The following KIAA0513 variants were observed in gnomAD, a reference collection of about 807,000 sequenced individuals.
KIAA0513 encodes KIAA0513.
In KIAA0513, 39 loss-of-function variants were observed where a neutral mutation model predicts 56.5. The observed-to-expected ratio is 0.69, with a 90% CI of 0.53 to 0.90. The LOEUF (loss-of-function observed/expected upper bound fraction) is 0.90, where lower values mean the gene tolerates loss of function less well. Among genes scored for constraint, KIAA0513 ranks in the 40% least tolerant of loss-of-function variants. The probability of loss-of-function intolerance (pLI) is 0.00; values close to 1 mark genes in which losing one functional copy is unlikely to be tolerated. For synonymous variants in KIAA0513, 268 were observed against 215.6 expected, an observed-to-expected ratio of 1.24 and a Z score of -2.13; for missense variants, 591 against 535.2, an observed-to-expected ratio of 1.10 and a Z score of -1.03.
chr16:85,069,452 A>T (rs1274100114), intron 2 of KIAA0513, among the ~76,000 whole-genome samples: 1 of 152,086 alleles, frequency 6.6e-6, no homozygotes, highest in Admixed American at 6.6e-5. Context: ...TGAGGGTAAA[A>T]TAAGGAGTAT....
At chr16:85,043,707 C>T (rs553754578) in intron 1 of KIAA0513, among the ~76,000 whole-genome samples, 1 of 152,130 alleles carries the variant, frequency 6.6e-6, no homozygotes, top group African/African-American at 2.4e-5. Context: ...GCTACCATGC[C>T]TGGCCAGGAA....
chr16:85,043,762 G>T lies in KIAA0513; in HGVS notation c.-173+15904G>T, dbSNP rs1198659475. Among the ~76,000 whole-genome samples, 3 of 152,088 alleles carry T rather than the reference G, an allele frequency of 2.0e-5. No individual in the cohort carries two copies. The East Asian group carries it at 5.8e-4, about 29-fold the overall frequency. On this transcript the variant is annotated intron_variant, in intron 1 of 12. Transcript: ENST00000683363. The stretch of plus-strand genomic sequence containing the variant: ...AATGCCTTACTTGAGTCCGGACGCG[G>T]TGGCCCACGCCTGTAATCCCAGCAC...
chr16:85,088,398 C>T lies in KIAA0513; in HGVS notation c.*73C>T. 7 of 1,351,134 alleles carry T rather than the reference C, an allele frequency of 5.2e-6. No homozygotes were observed. In the South Asian group the frequency reaches 8.2e-5, roughly 16 times the overall value. 83.7% of individuals were successfully genotyped at this position (1,351,134 alleles called of 1,614,324 possible). On this transcript the variant is annotated 3_prime_UTR_variant, in exon 13 of 13. Coordinates refer to ENST00000683363, the MANE Select transcript of KIAA0513 (RefSeq NM_001388359.1). ...TCCCGGGCCCAGCGCCCGGCCGTCA[C>T]CCCACCCGATGACCTGCATGAAGCC... is the stretch of plus-strand genomic sequence containing the variant.
intron 1 of KIAA0513, among the ~76,000 whole-genome samples, chr16:85,059,178 G>T (rs1417088788): frequency 6.6e-6 from 1 of 152,216 alleles, no homozygotes; most frequent in Non-Finnish European, 1.5e-5. Flanking sequence ...CTCAGATAGG[G>T]TGTCATCAAA....
chr16:85,093,099 C>T lies in KIAA0513; in HGVS notation c.*4774C>T, dbSNP rs2073886822. ...AAGGATGGGTGCCGCCGTGGGAGCC[C>T]TGCCTCTGGTGCTGGCAAGGGATTG... On this transcript the variant is annotated 3_prime_UTR_variant, in exon 13 of 13. Coordinates refer to ENST00000683363, the MANE Select transcript of KIAA0513 (RefSeq NM_001388359.1). 1 of 152,448 alleles carries T rather than the reference C, an allele frequency of 6.6e-6. No homozygotes were observed. The highest frequency in any genetic ancestry group is 1.9e-4 in the East Asian group (1 of 5,200). The allele number at this position is 152,448 out of a possible 1,614,324, so 9.4% of individuals were successfully genotyped here.
Position 85,077,591 on chromosome 16 carries a change from GC to G in KIAA0513, c.742del (p.Leu248TrpfsTer5). On this transcript the variant is annotated frameshift_variant, in exon 6 of 13. Transcript: ENST00000683363. The part of the protein sequence containing the change: ...TENVKGFFGG[L>X]ETKLKGPLAR... ...AGAATGTCAAGGGCTTCTTCGGGGGGCTGGAGACCAAGCTGAAGGGGCCCCT... is the reference window on the plus strand; with the variant it reads ...AGAATGTCAAGGGCTTCTTCGGGGGGTGGAGACCAAGCTGAAGGGGCCCCT... 1 of 1,613,886 alleles carries G rather than the reference GC, an allele frequency of 6.2e-7. No homozygotes were observed. Among genetic ancestry groups the G allele is most frequent in the Non-Finnish European group, 8.5e-7 (1 of 1,179,886 alleles).
At chr16:85,080,510 TCTG>T (rs2073727966) in intron 8 of KIAA0513, among the ~76,000 whole-genome samples, 2 of 152,322 alleles carry the variant, frequency 1.3e-5, no homozygotes, top group East Asian at 3.9e-4. Flanking sequence ...GAAGAATTTT[TCTG>T]CTGGGCACAG....
At position 85,076,768 on chromosome 16, in the gene KIAA0513, G is replaced by C. The variant is rs1439984083; in HGVS notation, c.575-657G>C. ...ACGTCGGCTGCTTTGGGTGGGGTAG[G>C]AACCCCCCAGTACAACCTGTGGCTC... On this transcript the variant is annotated intron_variant, in intron 5 of 12. Coordinates refer to ENST00000683363, the MANE Select transcript of KIAA0513 (RefSeq NM_001388359.1). This position sits in a 1 kb window ranked among gnomAD's most constrained non-coding sequence, Gnocchi z 4.7. 6.6e-6 allele frequency among the ~76,000 whole-genome samples: 1 copy of C among 152,148 alleles called. No individual in the cohort carries two copies. The highest frequency in any genetic ancestry group is 1.9e-4 in the East Asian group (1 of 5,188).
In KIAA0513 at chr16:85,076,592, C is replaced by G. The variant is rs1257837643; in HGVS notation, c.574+678C>G. Among the ~76,000 whole-genome samples, 1 of 152,110 alleles carries G rather than the reference C, an allele frequency of 6.6e-6. No homozygotes were observed. Among genetic ancestry groups the G allele is most frequent in the Non-Finnish European group, 1.5e-5 (1 of 68,000 alleles). On this transcript the variant is annotated intron_variant, in intron 5 of 12. Coordinates refer to ENST00000683363, the MANE Select transcript of KIAA0513 (RefSeq NM_001388359.1). This position sits in a 1 kb window ranked among gnomAD's most constrained non-coding sequence, Gnocchi z 4.7. ...CTAGGCCCTGGTCCCCCGTGCTTTC[C>G]TCTCTCGGGACCCGCGTGCTCACTC...
intron 1 of KIAA0513, among the ~76,000 whole-genome samples, chr16:85,052,199 A>G (rs2073262500): frequency 6.6e-6 from 1 of 152,216 alleles, no homozygotes; most frequent in Non-Finnish European, 1.5e-5. Context: ...ACACGCCTGT[A>G]GTCCCAGCTG....
chr16:85,044,786 A>G (rs1261226524), intron 1 of KIAA0513, among the ~76,000 whole-genome samples: 3 of 151,524 alleles, frequency 2.0e-5, no homozygotes, highest in East Asian at 2.0e-4. Flanking sequence ...GATTACAGGC[A>G]TGAGCCACTG....
In KIAA0513 at chr16:85,077,426, A is replaced by C. The variant is rs757937970; in HGVS notation, c.576A>C (p.Gly192=). Reference sequence around the variant, plus strand: ...GTCTTGTTCCCTCTCTCATCCAAGGAAAACCACAGCTGCTGCCCCCGGAGT... The same window carrying C: ...GTCTTGTTCCCTCTCTCATCCAAGGCAAACCACAGCTGCTGCCCCCGGAGT... The part of the protein sequence containing the change: ...MTMCFTYYHI[G]KPQLLPPESR... Residue 192 remains glycine, a splice_region_variant and synonymous_variant, in exon 6 of 13, where the codon GGA becomes GGC. Transcript: ENST00000683363. 6.2e-7 allele frequency: 1 copy of C among 1,613,912 alleles called. No individual in the cohort carries two copies. The highest frequency in any genetic ancestry group is 8.5e-7 in the Non-Finnish European group (1 of 1,179,916).
At chr16:85,086,432 A>T (rs1268388417) in intron 10 of KIAA0513, among the ~76,000 whole-genome samples, 1 of 152,222 alleles carries the variant, frequency 6.6e-6, no homozygotes, top group Non-Finnish European at 1.5e-5. Context: ...GAAGAGTGAG[A>T]TGAATGTTGG....
chr16:85,049,836 G>A (rs1411090732), intron 1 of KIAA0513, among the ~76,000 whole-genome samples: 4 of 152,132 alleles, frequency 2.6e-5, no homozygotes, highest in Non-Finnish European at 5.9e-5. Flanking sequence ...CATAAGGCCC[G>A]AGTCCTGCAT....
At chr16:85,071,755 T>TTCC in intron 2 of KIAA0513, 28 bp from the exon 3 acceptor site, 1 of 1,514,026 alleles carries the variant, frequency 6.6e-7, no homozygotes, top group East Asian at 2.3e-5. Context: ...TTTTTTTTTT[T>TTCC]TCCTCTGCTC....
intron 1 of KIAA0513, among the ~76,000 whole-genome samples, chr16:85,032,780 G>A (rs1374048695): frequency 6.6e-6 from 1 of 152,112 alleles, no homozygotes; most frequent in Non-Finnish European, 1.5e-5. Context: ...ACAAGTGCCT[G>A]CCACCACTCC....
intron 8 of KIAA0513, 44 bp downstream of exon 8, chr16:85,079,047 G>A (rs1442349838): frequency 8.1e-6 from 13 of 1,613,702 alleles, no homozygotes; most frequent in African/African-American, 2.7e-5. Context: ...TTACTGACGG[G>A]GCCAGCAGTC....
intron 10 of KIAA0513, among the ~76,000 whole-genome samples, chr16:85,084,667 G>C (rs1333477143): frequency 6.6e-6 from 1 of 152,106 alleles, no homozygotes; most frequent in African/African-American, 2.4e-5. Flanking sequence ...GACCTCAGGT[G>C]GTCCACCTGT....
At chr16:85,067,442 G>C in intron 2 of KIAA0513, 42 bp downstream of exon 2, 1 of 1,473,662 alleles carries the variant, frequency 6.8e-7, no homozygotes, top group African/African-American at 1.4e-5. Flanking sequence ...TGTGGCCACA[G>C]GGCCCAAGGG....
Sources: gnomAD v4.1 joint callset for allele counts (sites outside exome capture counted in the v4.1 genomes callset) on GRCh38, gnomAD v4.1.1 for gene constraint, Gnocchi (gnomAD v3.1) non-coding constraint, MANE v1.5 for transcripts, NCBI Gene and HGNC (gene_info 2026-07-23, HGNC 2026-07-21) for gene names.